The following RPS6KC1 variants were observed in gnomAD, a reference collection of about 807,000 sequenced individuals.
RPS6KC1 encodes ribosomal protein S6 kinase C1.
In RPS6KC1, 54 loss-of-function variants were observed where a neutral mutation model predicts 103.8. The observed-to-expected ratio is 0.52, with a 90% confidence interval of 0.42 to 0.65. The LOEUF (loss-of-function observed/expected upper bound fraction) is 0.65. Among genes scored for constraint, RPS6KC1 ranks in the 30% least tolerant of loss-of-function variants. The pLI is 0.00. For missense variants in RPS6KC1, 1,151 were observed against 1,253.8 expected (o/e 0.92, Z 1.24); for synonymous variants, 439 against 438.7 (o/e 1.00, Z -0.01).
chr1:213,652,770 C>T, the RPS6KC1 span, among the ~76,000 whole-genome samples: 1 of 152,174 alleles, frequency 6.6e-6, no homozygotes, highest in Admixed American at 6.5e-5. Flanking sequence ...CGAGTGCAGC[C>T]ATCCCAGACC....
chr1:213,584,534 T>C, the RPS6KC1 span, among the ~76,000 whole-genome samples: 1 of 152,214 alleles, frequency 6.6e-6, no homozygotes, highest in Non-Finnish European at 1.5e-5. Flanking sequence ...CAGAGAAAAA[T>C]GACACCGAAT....
the RPS6KC1 span, among the ~76,000 whole-genome samples, chr1:213,567,180 G>A: frequency 6.6e-6 from 1 of 152,172 alleles, no homozygotes; most frequent in African/African-American, 2.4e-5. Flanking sequence ...GTGATCATGT[G>A]TTATCAGAGG....
the RPS6KC1 span, among the ~76,000 whole-genome samples, chr1:213,510,412 T>G: frequency 6.6e-6 from 1 of 152,194 alleles, no homozygotes; most frequent in Non-Finnish European, 1.5e-5. Flanking sequence ...TTGTTTTTGT[T>G]GTTGATAAAA....
chr1:213,580,613 A>G, the RPS6KC1 span, among the ~76,000 whole-genome samples: 4 of 151,962 alleles, frequency 2.6e-5, no homozygotes, highest in African/African-American at 9.7e-5. Context: ...TGATGTGGCA[A>G]ATTTTATTGT....
the RPS6KC1 span, among the ~76,000 whole-genome samples, chr1:213,311,130 T>C: frequency 6.6e-6 from 1 of 151,732 alleles, no homozygotes; most frequent in Admixed American, 6.6e-5. Context: ...TTTCTTTTTT[T>C]TAATTTAGGC....
rs139620023 is a variant in RPS6KC1, at chr1:213,109,953, G to A, written c.378+5384G>A. On this transcript the variant is annotated intron_variant, in intron 4 of 14. Coordinates refer to ENST00000366960, the MANE Select transcript of RPS6KC1 (RefSeq NM_012424.6). ...CATTCCTTATTATGGCTAAATAATA[G>A]TTCATTGAATGGATATGAATATACC... Among the ~76,000 whole-genome samples the A allele has an allele frequency of 4.3e-3, 659 of 152,090 alleles. 4 individuals carry two copies. The highest frequency in any genetic ancestry group is 0.015 in the African/African-American group (635 of 41,472).
the RPS6KC1 span, among the ~76,000 whole-genome samples, chr1:213,653,329 C>T: frequency 8.6e-5 from 13 of 152,010 alleles, no homozygotes; most frequent in African/African-American, 9.7e-5. Flanking sequence ...TGTGGTGGCA[C>T]GCATCTGTAG....
chr1:213,627,290 T>C, the RPS6KC1 span, among the ~76,000 whole-genome samples: 1 of 152,364 alleles, frequency 6.6e-6, no homozygotes, highest in Admixed American at 6.5e-5. Flanking sequence ...GAGATTTTGC[T>C]GAAGTTGCCT....
the RPS6KC1 span, among the ~76,000 whole-genome samples, chr1:213,602,078 CTCTTTCTTTCTTTCTTTCTTTCTT>C: frequency 2.0e-3 from 77 of 38,570 alleles, 7 homozygotes; most frequent in African/African-American, 0.01. Flanking sequence ...TTCTTTCTTT[CTCTTTCTTTCTTTCTTTCTTTCTT>C]TCTTTCTTTC....
chr1:213,152,261 G>T (rs1335984343), intron 6 of RPS6KC1, among the ~76,000 whole-genome samples: 23 of 145,764 alleles, frequency 1.6e-4, no homozygotes, highest in Non-Finnish European at 3.0e-4. Flanking sequence ...CGGACGGGGC[G>T]GCTGGCCTGG....
At position 213,181,388 on chromosome 1, in the gene RPS6KC1, C is replaced by T. The variant is rs140860173; in HGVS notation, c.1044+4896C>T. Among the ~76,000 whole-genome samples the T allele has an allele frequency of 4.2e-3, 644 of 152,326 alleles. 6 individuals carry two copies. The highest frequency in any genetic ancestry group is 0.015 in the African/African-American group (619 of 41,574). Reference sequence around the variant, plus strand: ...CCTTCACATTTTGTAATCAAGATAGCTTCCCAACTTTATCTGATGCCTGCC... The same window carrying T: ...CCTTCACATTTTGTAATCAAGATAGTTTCCCAACTTTATCTGATGCCTGCC... On this transcript the variant is annotated intron_variant, in intron 8 of 14. Coordinates refer to ENST00000366960, the MANE Select transcript of RPS6KC1 (RefSeq NM_012424.6).
chr1:213,329,988 G>A, the RPS6KC1 span, among the ~76,000 whole-genome samples: 4 of 152,198 alleles, frequency 2.6e-5, no homozygotes, highest in East Asian at 1.9e-4. Context: ...CGCTTTGTGC[G>A]GAAAAGCTCC....
At chr1:213,612,226 C>A in the RPS6KC1 span, among the ~76,000 whole-genome samples, 1 of 152,202 alleles carries the variant, frequency 6.6e-6, no homozygotes, top group East Asian at 1.9e-4. Flanking sequence ...TCAAGGAATT[C>A]TGATGCACAC....
chr1:213,149,773 C>A (rs1388299267), intron 6 of RPS6KC1, among the ~76,000 whole-genome samples: 1 of 152,096 alleles, frequency 6.6e-6, no homozygotes, highest in African/African-American at 2.4e-5. Context: ...TAGATTGGGG[C>A]CTATCTCTCT....
At chr1:213,641,817 C>T in the RPS6KC1 span, among the ~76,000 whole-genome samples, 1 of 121,056 alleles carries the variant, frequency 8.3e-6, no homozygotes, top group Non-Finnish European at 1.7e-5. Flanking sequence ...CCACCCACCC[C>T]CACCCCCTGC....
At chr1:213,727,935 G>C in the RPS6KC1 span, among the ~76,000 whole-genome samples, 1 of 152,172 alleles carries the variant, frequency 6.6e-6, no homozygotes, top group African/African-American at 2.4e-5. Context: ...GATAAAATGC[G>C]TATCTAAGAG....
chr1:213,291,384 T>C, the RPS6KC1 span, among the ~76,000 whole-genome samples: 6 of 152,214 alleles, frequency 3.9e-5, no homozygotes, highest in Non-Finnish European at 5.9e-5. Context: ...TTTCAAGAAT[T>C]GACCTTACAG....
the RPS6KC1 span, among the ~76,000 whole-genome samples, chr1:213,769,492 GGAGAGA>G: frequency 1.5e-5 from 2 of 135,702 alleles, no homozygotes; most frequent in East Asian, 4.5e-4. Flanking sequence ...AACTCCACCT[GGAGAGA>G]GAGAGAGAGA....
chr1:213,310,096 C>T, the RPS6KC1 span, among the ~76,000 whole-genome samples: 1 of 152,198 alleles, frequency 6.6e-6, no homozygotes, highest in African/African-American at 2.4e-5. Flanking sequence ...ATCCCCCAAG[C>T]CCATCCTCGG....
Sources: allele counts gnomAD v4.1 joint callset (sites outside exome capture counted in the v4.1 genomes callset), GRCh38; gene constraint gnomAD v4.1.1; transcripts MANE v1.5; gene names NCBI Gene and HGNC (gene_info 2026-07-23, HGNC 2026-07-21).